The following CPA6 variants were observed in gnomAD, a reference collection of about 807,000 sequenced individuals.
CPA6 encodes the protein carboxypeptidase A6, also known as carboxypeptidase B.
In CPA6, 58 loss-of-function variants were observed where a neutral mutation model predicts 63.3. The ratio of observed to expected loss-of-function variants is 0.92; its 90% confidence interval spans 0.74 to 1.14. CPA6 has a LOEUF of 1.14. Ranked by LOEUF, CPA6 falls within the 50% of genes most tolerant of loss-of-function variation. The pLI is 0.00. For synonymous variants in CPA6, 185 were observed against 179.0 expected, an observed-to-expected ratio of 1.03 and a Z score of -0.27; for missense variants, 565 against 526.6, an observed-to-expected ratio of 1.07 and a Z score of -0.71.
intron 8 of CPA6, among the ~76,000 whole-genome samples, chr8:67,462,120 AT>A (rs1322376587): frequency 2.7e-5 from 4 of 150,476 alleles, no homozygotes; most frequent in Admixed American, 6.6e-5. Context: ...CTAGCCATCT[AT>A]TTTTTTTTCC....
At chr8:67,583,211 T>C (rs2128978893) in intron 2 of CPA6, among the ~76,000 whole-genome samples, 3 of 152,276 alleles carry the variant, frequency 2.0e-5, no homozygotes, top group Admixed American at 2.0e-4. Flanking sequence ...CTTGTGCAAC[T>C]ATGGGTGTTG....
intron 1 of CPA6, among the ~76,000 whole-genome samples, chr8:67,702,480 GTC>G (rs1817047045): frequency 6.6e-6 from 1 of 152,096 alleles, no homozygotes; most frequent in South Asian, 2.1e-4. Flanking sequence ...TGGTTAAAAA[GTC>G]TCTGTAAAAT....
intron 1 of CPA6, among the ~76,000 whole-genome samples, chr8:67,648,476 G>T (rs1815765423): frequency 6.6e-6 from 1 of 152,124 alleles, no homozygotes; most frequent in African/African-American, 2.4e-5. Context: ...CAAGTCTTGA[G>T]CAAATGGAGC....
chr8:67,617,024 T>A (rs916998830), intron 2 of CPA6, among the ~76,000 whole-genome samples: 1 of 152,238 alleles, frequency 6.6e-6, no homozygotes, highest in Non-Finnish European at 1.5e-5. Context: ...TTCCTTTTAA[T>A]GTTTAACAAT....
intron 8 of CPA6, among the ~76,000 whole-genome samples, chr8:67,447,407 T>C (rs558324568): frequency 1.3e-5 from 2 of 151,974 alleles, no homozygotes; most frequent in Admixed American, 6.6e-5. Context: ...AATAATGCAA[T>C]AAGCATCAAA....
chr8:67,640,386 G>A (rs1309081866), intron 1 of CPA6, among the ~76,000 whole-genome samples: 1 of 151,554 alleles, frequency 6.6e-6, no homozygotes, highest in East Asian at 1.9e-4. Context: ...GGGGGTCGAG[G>A]TGGCAGGGAG....
chr8:67,669,899 G>A (rs1234701009), intron 1 of CPA6, among the ~76,000 whole-genome samples: 1 of 152,120 alleles, frequency 6.6e-6, no homozygotes, highest in Non-Finnish European at 1.5e-5. Context: ...AACTGATGAT[G>A]ATTATAATCA....
At chr8:67,446,976 G>C (rs1810432957) in intron 8 of CPA6, among the ~76,000 whole-genome samples, 1 of 151,220 alleles carries the variant, frequency 6.6e-6, no homozygotes, top group Non-Finnish European at 1.5e-5. Context: ...TCTTGATATA[G>C]CTATATAGGT....
At chr8:67,693,594 C>G (rs77718315) in intron 1 of CPA6, among the ~76,000 whole-genome samples, 41 of 152,282 alleles carry the variant, frequency 2.7e-4, no homozygotes, top group African/African-American at 8.7e-4. Context: ...AGAGGCCCCA[C>G]GAATGGGATT....
intron 1 of CPA6, among the ~76,000 whole-genome samples, chr8:67,718,692 G>C (rs1012464665): frequency 1.3e-5 from 2 of 151,536 alleles, no homozygotes; most frequent in Non-Finnish European, 2.9e-5. Flanking sequence ...CTGTCACCAG[G>C]CTGGAGTGCA....
At chr8:67,631,673 C>G (rs1404152307) in intron 1 of CPA6, among the ~76,000 whole-genome samples, 4 of 152,202 alleles carry the variant, frequency 2.6e-5, no homozygotes, top group Non-Finnish European at 5.9e-5. Flanking sequence ...TCTCTTCCAC[C>G]CTGTGTAAAC....
intron 2 of CPA6, among the ~76,000 whole-genome samples, chr8:67,582,046 G>T (rs1289618840): frequency 6.6e-6 from 1 of 152,130 alleles, no homozygotes. Flanking sequence ...ATCTTTGGTT[G>T]TGTAGTGGGG....
intron 8 of CPA6, among the ~76,000 whole-genome samples, chr8:67,459,806 A>G (rs1034921208): frequency 2.0e-5 from 3 of 152,242 alleles, no homozygotes; most frequent in African/African-American, 4.8e-5. Context: ...CATTGCATGC[A>G]TGAATTCCAA....
chr8:67,426,539 A>C (rs768754193), intron 10 of CPA6, among the ~76,000 whole-genome samples: 17 of 152,172 alleles, frequency 1.1e-4, no homozygotes, highest in Non-Finnish European at 1.5e-4. Context: ...AAACAAAACT[A>C]TTGATACTCC....
At chr8:67,556,660 C>CA (rs1467521295) in intron 2 of CPA6, among the ~76,000 whole-genome samples, 4 of 152,200 alleles carry the variant, frequency 2.6e-5, no homozygotes, top group Admixed American at 6.5e-5. Flanking sequence ...CAGCTATGAG[C>CA]ACACTCCAGG....
chr8:67,673,397 T>TA (rs1192071575), intron 1 of CPA6, among the ~76,000 whole-genome samples: 106 of 141,910 alleles, frequency 7.5e-4, no homozygotes, highest in African/African-American at 1.8e-3. Context: ...TATTTTTTTT[T>TA]TTTTGAGACT....
chr8:67,441,510 C>G (rs1043238733), intron 8 of CPA6, among the ~76,000 whole-genome samples: 3 of 152,050 alleles, frequency 2.0e-5, no homozygotes, highest in Non-Finnish European at 4.4e-5. Flanking sequence ...GAAAGTTCTG[C>G]GAAAGCATAA....
chr8:67,457,830 C>T (rs1810710615), intron 8 of CPA6, among the ~76,000 whole-genome samples: 1 of 152,116 alleles, frequency 6.6e-6, no homozygotes, highest in Non-Finnish European at 1.5e-5. Context: ...CAGCCACAGC[C>T]CCATCCCTCA....
At chr8:67,615,204 T>C (rs1000936721) in intron 2 of CPA6, among the ~76,000 whole-genome samples, 3 of 151,922 alleles carry the variant, frequency 2.0e-5, no homozygotes, top group African/African-American at 7.3e-5. Flanking sequence ...GCTAGAAAAA[T>C]GAAATGGTTG....
Sources: allele counts gnomAD v4.1 joint callset (sites outside exome capture counted in the v4.1 genomes callset), GRCh38; gene constraint gnomAD v4.1.1; transcripts MANE v1.5; gene names NCBI Gene and HGNC (gene_info 2026-07-23, HGNC 2026-07-21).